NUDC: variants seen among roughly 807,000 people sequenced by gnomAD.
NUDC encodes nuclear distribution C, dynein complex regulator, also known as nuclear migration protein nudC.
NUDC carries 14 observed loss-of-function variants against 45.0 expected under a neutral mutation model. That is an observed-to-expected ratio of 0.31 (90% confidence interval 0.21 to 0.49). The LOEUF (loss-of-function observed/expected upper bound fraction) is 0.49. Ranked by LOEUF, NUDC falls within the 20% of genes least tolerant of loss-of-function variation. NUDC has a pLI of 0.99. For missense variants in NUDC, 323 were observed against 426.2 expected, an observed-to-expected ratio of 0.76 and a Z score of 2.13; for synonymous variants, 153 against 156.7, an observed-to-expected ratio of 0.98 and a Z score of 0.17.
intron 2 of NUDC, among the ~76,000 whole-genome samples, chr1:26,925,538 C>CAAAA (rs71010305): frequency 1.8e-4 from 8 of 43,318 alleles, no homozygotes; most frequent in East Asian, 7.9e-4. Flanking sequence ...GACTCCGTCT[C>CAAAA]AAAAAAAAAA....
intron 6 of NUDC, among the ~76,000 whole-genome samples, chr1:26,944,002 A>C (rs2082299632): frequency 6.7e-6 from 1 of 149,306 alleles, no homozygotes. Flanking sequence ...TTCAGCCTCC[A>C]GTGTAGCTGG....
chr1:26,941,866 AC>A (rs751317099), intron 4 of NUDC, 48 bp downstream of exon 4: 19 of 1,568,924 alleles, frequency 1.2e-5, no homozygotes, highest in Non-Finnish European at 1.7e-5. Context: ...CTTGGAACTT[AC>A]AGGAAATCTC....
chr1:26,920,458 G>A (rs1409237419), upstream of NUDC, among the ~76,000 whole-genome samples: 1 of 151,774 alleles, frequency 6.6e-6, no homozygotes, highest in African/African-American at 2.4e-5. Context: ...TCCAGCCTGG[G>A]CAACAGAGTG....
intron 2 of NUDC, among the ~76,000 whole-genome samples, chr1:26,938,500 A>G (rs949711995): frequency 6.6e-6 from 1 of 152,160 alleles, no homozygotes; most frequent in African/African-American, 2.4e-5. Flanking sequence ...TATTGTTTCT[A>G]CTGACAGCAG....
intron 3 of NUDC, chr1:26,913,438 C>A: frequency 6.2e-7 from 1 of 1,614,120 alleles, no homozygotes; most frequent in Non-Finnish European, 8.5e-7. Flanking sequence ...CCCTTTCAGG[C>A]AGGCATATTC....
chr1:26,944,481 A>T (rs1187947), intron 6 of NUDC, among the ~76,000 whole-genome samples: 3 of 151,932 alleles, frequency 2.0e-5, no homozygotes, highest in Non-Finnish European at 4.4e-5. Context: ...TACAGGTAGG[A>T]GCCACTGCAC....
At position 26,923,939 on chromosome 1, in the gene NUDC, C is replaced by T. The variant is rs11808353; in HGVS notation, c.82-150C>T. On this transcript the variant is annotated intron_variant, in intron 1 of 8. Coordinates refer to ENST00000321265, the MANE Select transcript of NUDC (RefSeq NM_006600.4). ...TCATGGTGGAAGTGACTAAGAGAAC[C>T]TGCTGGGGAGATAATCTCCTCAGTT... The T allele has an allele frequency of 8.0e-3, 5,725 of 717,568 alleles. 236 individuals are homozygous for T. The African/African-American group carries it at 0.086, about 11-fold the overall frequency. 44.5% of individuals were successfully genotyped at this position (717,568 alleles called of 1,614,324 possible).
intron 2 of NUDC, among the ~76,000 whole-genome samples, chr1:26,905,263 C>A (rs1356783801): frequency 6.8e-6 from 1 of 146,600 alleles, no homozygotes; most frequent in African/African-American, 2.5e-5. Flanking sequence ...TGGGTTCAGG[C>A]GATTCTCCTG....
intron 2 of NUDC, among the ~76,000 whole-genome samples, chr1:26,927,590 G>A (rs573939007): frequency 3.3e-5 from 5 of 151,652 alleles, no homozygotes; most frequent in African/African-American, 1.2e-4. Context: ...TAGAGCCGGG[G>A]TTTCACCATG....
chr1:26,927,877 A>C (rs1431579016), intron 2 of NUDC, among the ~76,000 whole-genome samples: 1 of 152,176 alleles, frequency 6.6e-6, no homozygotes, highest in African/African-American at 2.4e-5. Flanking sequence ...ATTACATACA[A>C]TAATCTAATC....
chr1:26,923,173 A>T (rs2082104797), intron 1 of NUDC, among the ~76,000 whole-genome samples: 1 of 152,152 alleles, frequency 6.6e-6, no homozygotes, highest in Admixed American at 6.5e-5. Context: ...GCCATGGTTC[A>T]TGGTTCCTAT....
chr1:26,934,033 T>G (rs191925602), intron 2 of NUDC, among the ~76,000 whole-genome samples: 12 of 152,196 alleles, frequency 7.9e-5, no homozygotes, highest in Non-Finnish European at 8.8e-5. Context: ...TGTGCCTGTA[T>G]TCCCAGCCAC....
intron 2 of NUDC, among the ~76,000 whole-genome samples, chr1:26,909,035 T>G (rs2082014257): frequency 6.6e-6 from 1 of 151,980 alleles, no homozygotes; most frequent in Admixed American, 6.6e-5. Flanking sequence ...AGTGCAGTGG[T>G]GCGATCTCGG....
chr1:26,904,689 G>C (rs2081994927), intron 2 of NUDC, among the ~76,000 whole-genome samples: 1 of 152,044 alleles, frequency 6.6e-6, no homozygotes, highest in Non-Finnish European at 1.5e-5. Flanking sequence ...CTTATTAACT[G>C]TGTAACCTCG....
intron 2 of NUDC, among the ~76,000 whole-genome samples, chr1:26,905,073 G>A (rs1380986476): frequency 6.6e-6 from 1 of 150,822 alleles, no homozygotes; most frequent in African/African-American, 2.4e-5. Flanking sequence ...CTGACCCTTA[G>A]ATGATCCGCC....
chr1:26,920,488 A>C (rs947582849), upstream of NUDC, among the ~76,000 whole-genome samples: 1 of 151,910 alleles, frequency 6.6e-6, no homozygotes, highest in Non-Finnish European at 1.5e-5. Context: ...CTAAAAAAAA[A>C]AAGAAGAATA....
Position 26,932,805 on chromosome 1 carries a change from G to T in NUDC, c.159+8639G>T, listed in dbSNP as rs529432887. On this transcript the variant is annotated intron_variant, in intron 2 of 8. Transcript: ENST00000321265. ...CTGTTTTCTGTGTAGGTTGACTACT[G>T]TAGATACTTCATATAAATGGAATCA... 4.6e-5 allele frequency among the ~76,000 whole-genome samples: 7 copies of T among 152,176 alleles called. No homozygotes were observed. In the East Asian group the frequency reaches 1.3e-3, roughly 29 times the overall value.
At chr1:26,906,776 G>C (rs1001826009) in intron 2 of NUDC, among the ~76,000 whole-genome samples, 1 of 152,050 alleles carries the variant, frequency 6.6e-6, no homozygotes, top group African/African-American at 2.4e-5. Flanking sequence ...GTGAACCCGG[G>C]AAGTGGAGCT....
At chr1:26,924,795 C>A (rs1175386937) in intron 2 of NUDC, among the ~76,000 whole-genome samples, 1 of 152,032 alleles carries the variant, frequency 6.6e-6, no homozygotes, top group Non-Finnish European at 1.5e-5. Flanking sequence ...TCATGATCCA[C>A]CCGCCTCGGC....
Sources: gnomAD v4.1 joint callset for allele counts (sites outside exome capture counted in the v4.1 genomes callset) on GRCh38, gnomAD v4.1.1 for gene constraint, MANE v1.5 for transcripts, NCBI Gene and HGNC (gene_info 2026-07-23, HGNC 2026-07-21) for gene names.